DAB1: variants seen among roughly 807,000 people sequenced by gnomAD.
DAB1 encodes disabled homolog 1.
DAB1 carries 15 observed loss-of-function variants against 64.6 expected under a neutral mutation model. The observed-to-expected ratio is 0.23, with a 90% CI of 0.16 to 0.36. The LOEUF (loss-of-function observed/expected upper bound fraction) is 0.36, where lower values mean the gene tolerates loss of function less well. Among genes scored for constraint, DAB1 ranks in the 10% least tolerant of loss-of-function variants. The probability of loss-of-function intolerance (pLI) is 1.00; values close to 1 mark genes in which losing one functional copy is unlikely to be tolerated. For synonymous variants in DAB1, 235 were observed against 251.9 expected (o/e 0.93, Z 0.64); for missense variants, 596 against 706.7 (o/e 0.84, Z 1.78).
At chr1:57,395,739 C>T (rs565296180) in intron 1 of DAB1, among the ~76,000 whole-genome samples, 1 of 139,436 alleles carries the variant, frequency 7.2e-6, no homozygotes, top group East Asian at 2.0e-4. Flanking sequence ...CCATGGCTAC[C>T]ATATTAGGGA....
intron 11 of DAB1, among the ~76,000 whole-genome samples, chr1:57,017,087 C>T (rs571135985): frequency 6.6e-6 from 1 of 152,108 alleles, no homozygotes; most frequent in Non-Finnish European, 1.5e-5. Flanking sequence ...GTTAATAGAC[C>T]TCCTTGCCTT....
chr1:57,744,511 G>A (rs1389569480), intron 6 of DAB1, among the ~76,000 whole-genome samples: 5 of 151,498 alleles, frequency 3.3e-5, no homozygotes, highest in South Asian at 2.1e-4. Context: ...TTAATATATC[G>A]GCAAACGAAG....
chr1:58,356,625 AG>A (rs958178448), intron 3 of DAB1, among the ~76,000 whole-genome samples: 2 of 152,274 alleles, frequency 1.3e-5, no homozygotes, highest in Admixed American at 1.3e-4. Flanking sequence ...CTTGGGAGGA[AG>A]GCCCTGTGGG....
chr1:57,898,570 G>A, intron 5 of DAB1, among the ~76,000 whole-genome samples: 1 of 152,190 alleles, frequency 6.6e-6, no homozygotes, highest in East Asian at 1.9e-4. Context: ...TGGACCAAGG[G>A]AACTTAATTA....
chr1:57,914,491 C>A (rs1031511209), intron 5 of DAB1, among the ~76,000 whole-genome samples: 1 of 151,936 alleles, frequency 6.6e-6, no homozygotes, highest in Non-Finnish European at 1.5e-5. Context: ...TTAATGGGTG[C>A]AGCACACCAA....
At chr1:57,732,607 A>T (rs1008004190) in intron 6 of DAB1, among the ~76,000 whole-genome samples, 3 of 152,224 alleles carry the variant, frequency 2.0e-5, no homozygotes, top group Admixed American at 2.0e-4. Context: ...ATTCCTAAGG[A>T]CAGTTGCTGG....
chr1:58,113,185 A>G (rs1419083213), intron 5 of DAB1, among the ~76,000 whole-genome samples: 2 of 152,188 alleles, frequency 1.3e-5, no homozygotes, highest in African/African-American at 4.8e-5. Flanking sequence ...TTCCTGGAAG[A>G]CATGATGCCC....
chr1:57,758,192 T>C (rs1648906774), intron 6 of DAB1, among the ~76,000 whole-genome samples: 1 of 152,174 alleles, frequency 6.6e-6, no homozygotes, highest in East Asian at 1.9e-4. Context: ...AGTTAAGAAC[T>C]ACTAGGCACT....
intron 4 of DAB1, among the ~76,000 whole-genome samples, chr1:58,206,162 A>C (rs893250829): frequency 2.6e-5 from 4 of 152,142 alleles, no homozygotes; most frequent in Non-Finnish European, 5.9e-5. Flanking sequence ...TATACATTTT[A>C]AGGAGACATG....
chr1:58,260,652 T>C (rs886345408), intron 4 of DAB1, among the ~76,000 whole-genome samples: 6 of 152,180 alleles, frequency 3.9e-5, no homozygotes, highest in African/African-American at 1.4e-4. Context: ...TCAAAAGTGC[T>C]TTTTTAAAAT....
chr1:57,053,666 G>GTATATATATATATATA (rs71051215), intron 9 of DAB1, among the ~76,000 whole-genome samples: 5 of 99,164 alleles, frequency 5.0e-5, no homozygotes, highest in African/African-American at 1.7e-4. Flanking sequence ...CTCTCTATAT[G>GTATATATATATATATA]TATATATATA....
chr1:58,145,086 C>T (rs150937093), intron 5 of DAB1, among the ~76,000 whole-genome samples: 18 of 152,344 alleles, frequency 1.2e-4, no homozygotes, highest in African/African-American at 3.4e-4. Flanking sequence ...ACCTTTTGTA[C>T]TTGCTAAATA....
At chr1:58,105,505 G>A (rs1333448360) in intron 5 of DAB1, among the ~76,000 whole-genome samples, 1 of 152,204 alleles carries the variant, frequency 6.6e-6, no homozygotes, top group Non-Finnish European at 1.5e-5. Flanking sequence ...TTAAGAATGA[G>A]AAGACTTGGG....
intron 5 of DAB1, among the ~76,000 whole-genome samples, chr1:57,993,154 G>C (rs1646372957): frequency 6.6e-6 from 1 of 152,048 alleles, no homozygotes; most frequent in Admixed American, 6.6e-5. Context: ...AACACATTTA[G>C]GGTGATTTCC....
chr1:57,306,522 T>C (rs1477445119), intron 1 of DAB1, among the ~76,000 whole-genome samples: 1 of 144,462 alleles, frequency 6.9e-6, no homozygotes, highest in Non-Finnish European at 1.5e-5. Flanking sequence ...GCTTTTTTTT[T>C]TTTTTTTTTT....
chr1:57,992,322 G>A (rs1365139571), intron 5 of DAB1, among the ~76,000 whole-genome samples: 1 of 152,148 alleles, frequency 6.6e-6, no homozygotes, highest in Non-Finnish European at 1.5e-5. Flanking sequence ...ACATGGTTGT[G>A]TCCCTTGGAA....
At chr1:57,363,944 T>C (rs1679759127) in intron 1 of DAB1, among the ~76,000 whole-genome samples, 1 of 152,072 alleles carries the variant, frequency 6.6e-6, no homozygotes, top group Non-Finnish European at 1.5e-5. Context: ...TCCTAGAGAG[T>C]TTTTTTAAAG....
intron 3 of DAB1, among the ~76,000 whole-genome samples, chr1:58,366,630 A>G (rs1199737557): frequency 2.0e-5 from 3 of 152,166 alleles, no homozygotes; most frequent in Non-Finnish European, 4.4e-5. Flanking sequence ...TGTGATTCCT[A>G]TTTCCTCAGC....
At position 57,794,362 on chromosome 1, in the gene DAB1, T is replaced by C. The variant is rs141012269; in HGVS notation, n.551+89637A>G. 8.9e-3 allele frequency among the ~76,000 whole-genome samples: 1,354 copies of C among 152,340 alleles called. 17 individuals are homozygous for C. The highest frequency in any genetic ancestry group is 0.03 in the African/African-American group (1,242 of 41,578). ...TTGGTTTCTGTGTATCTCTCTAGCA[T>C]TAGATCCTCCAACACATCCTTCAGT... On this transcript the variant is annotated intron_variant and non_coding_transcript_variant, in intron 6 of 20. Coordinates refer to the DAB1 transcript ENST00000485760.
Sources: allele counts gnomAD v4.1 joint callset (sites outside exome capture counted in the v4.1 genomes callset), GRCh38; gene constraint gnomAD v4.1.1; transcripts MANE v1.5; gene names NCBI Gene and HGNC (gene_info 2026-07-23, HGNC 2026-07-21).